The following ERBIN variants were observed in gnomAD, a reference collection of about 807,000 sequenced individuals.
ERBIN encodes erbb2 interacting protein, also known as densin-180-like protein.
In ERBIN, 60 loss-of-function variants were observed where a neutral mutation model predicts 158.4. The ratio of observed to expected loss-of-function variants is 0.38; its 90% CI spans 0.31 to 0.47. The LOEUF is 0.47. ERBIN is among the 20% of genes least tolerant of loss of function. The pLI is 0.99. For synonymous variants in ERBIN, 594 were observed against 557.2 expected, an observed-to-expected ratio of 1.07 and a Z score of -0.93; for missense variants, 1,610 against 1,648.0, an observed-to-expected ratio of 0.98 and a Z score of 0.40.
chr5:66,044,759 T>C lies in ERBIN; in HGVS notation c.1602+449T>C, dbSNP rs184068761. The stretch of plus-strand genomic sequence containing the variant: ...CAGCCTGGGTGACAGAGTGACACTC[T>C]GTCTCAAAAACAAAAAATAAGAGTA... On this transcript the variant is annotated intron_variant, in intron 17 of 25. Coordinates refer to ENST00000284037, the MANE Select transcript of ERBIN (RefSeq NM_001253697.2). Among the ~76,000 whole-genome samples, 716 of 150,882 alleles carry C rather than the reference T, an allele frequency of 4.7e-3. 1 individual carries two copies. The highest frequency in any genetic ancestry group is 7.4e-3 in the Non-Finnish European group (499 of 67,778).
At chr5:66,033,941 T>C (rs1294681496) in intron 14 of ERBIN, among the ~76,000 whole-genome samples, 1 of 152,016 alleles carries the variant, frequency 6.6e-6, no homozygotes, top group East Asian at 1.9e-4. Flanking sequence ...AAATCCCGTC[T>C]CTACTGAAAA....
At chr5:66,024,256 C>A in intron 9 of ERBIN, 50 bp from the exon 10 acceptor site, 2 of 1,253,078 alleles carry the variant, frequency 1.6e-6, no homozygotes, top group Admixed American at 2.5e-5. Flanking sequence ...AAACTTTTTA[C>A]AAATTACTAA....
At chr5:66,029,229 A>G (rs1756593464) in intron 14 of ERBIN, among the ~76,000 whole-genome samples, 1 of 152,194 alleles carries the variant, frequency 6.6e-6, no homozygotes, top group East Asian at 1.9e-4. Flanking sequence ...GAACCTCCAT[A>G]ATATATTCCC....
At chr5:66,051,898 A>AG (rs1759061629) in intron 20 of ERBIN, among the ~76,000 whole-genome samples, 1 of 150,948 alleles carries the variant, frequency 6.6e-6, no homozygotes. Flanking sequence ...TTGTCTCAAA[A>AG]AAAAAAAAAA....
At chr5:65,943,572 C>T (rs566985121) in intron 1 of ERBIN, among the ~76,000 whole-genome samples, 5 of 152,300 alleles carry the variant, frequency 3.3e-5, no homozygotes, top group Admixed American at 2.6e-4. Flanking sequence ...CTTAGTTGGC[C>T]TCTTTGTGTA....
chr5:65,993,405 T>G (rs1752090309), intron 3 of ERBIN, among the ~76,000 whole-genome samples: 2 of 152,240 alleles, frequency 1.3e-5, no homozygotes, highest in African/African-American at 4.8e-5. Context: ...ACTTAACATT[T>G]CTGAAGTCTA....
chr5:66,075,813 T>C (rs1416716093), intron 23 of ERBIN, among the ~76,000 whole-genome samples: 1 of 152,156 alleles, frequency 6.6e-6, no homozygotes, highest in African/African-American at 2.4e-5. Flanking sequence ...AAACTCTCAA[T>C]TGGTCATGTT....
At chr5:65,943,300 C>T (rs1312725854) in intron 1 of ERBIN, among the ~76,000 whole-genome samples, 1 of 152,154 alleles carries the variant, frequency 6.6e-6, no homozygotes, top group African/African-American at 2.4e-5. Flanking sequence ...CTTGCATTAC[C>T]TAAGATCAGA....
chr5:65,985,755 A>C (rs1751156973), intron 1 of ERBIN, among the ~76,000 whole-genome samples: 1 of 152,124 alleles, frequency 6.6e-6, no homozygotes, highest in Non-Finnish European at 1.5e-5. Flanking sequence ...TATATAGCAA[A>C]ACTACCTGAG....
chr5:66,046,331 C>A lies in ERBIN; in HGVS notation c.1603-22C>A, dbSNP rs376537652. On this transcript the variant is annotated intron_variant, in intron 17 of 25. Coordinates refer to ENST00000284037, the MANE Select transcript of ERBIN (RefSeq NM_001253697.2). ...ATATAAAACTTAAAGAATATGAGCT[C>A]TTTATCTTTTCTTTTACTTAGACCT... The A allele has an allele frequency of 4.3e-6, 6 of 1,388,358 alleles. No individual in the cohort carries two copies. The African/African-American group carries it at 7.2e-5, about 17-fold the overall frequency. 86.0% of individuals were successfully genotyped at this position (1,388,358 alleles called of 1,614,324 possible).
At chr5:66,007,900 G>T (rs1437437967) in intron 4 of ERBIN, among the ~76,000 whole-genome samples, 1 of 152,180 alleles carries the variant, frequency 6.6e-6, no homozygotes, top group Non-Finnish European at 1.5e-5. Context: ...TACAGATTTA[G>T]AACCTACAAA....
chr5:66,011,958 C>A, intron 4 of ERBIN, 91 bp from the exon 5 acceptor site: 2 of 728,814 alleles, frequency 2.7e-6, no homozygotes. Flanking sequence ...TGGTATATTA[C>A]TTTAGAATCT....
chr5:66,013,690 A>T lies in ERBIN; in HGVS notation c.476+52A>T, dbSNP rs575361365. 142 of 1,199,870 alleles carry T rather than the reference A, an allele frequency of 1.2e-4. 1 individual carries two copies. In the Middle Eastern group the frequency reaches 2.0e-3, roughly 17 times the overall value. The allele number at this position is 1,199,870 out of a possible 1,614,324, so 74.3% of individuals were successfully genotyped here. A position where few individuals can be genotyped will look rare whatever the true frequency, so the allele number is the denominator to read the frequency against. On this transcript the variant is annotated intron_variant, in intron 6 of 25. Coordinates refer to ENST00000284037, the MANE Select transcript of ERBIN (RefSeq NM_001253697.2). ...TTTATTATTAGCTCTTATAAAGTTT[A>T]CAAAACTATAAGCTGCTTTGGTAGT...
At chr5:66,014,088 T>C (rs1047359639) in intron 6 of ERBIN, among the ~76,000 whole-genome samples, 1 of 152,166 alleles carries the variant, frequency 6.6e-6, no homozygotes, top group East Asian at 1.9e-4. Flanking sequence ...ATAATAGATA[T>C]GCAGTTATTA....
intron 1 of ERBIN, among the ~76,000 whole-genome samples, chr5:65,957,682 G>C (rs893962930): frequency 5.9e-5 from 9 of 152,068 alleles, no homozygotes; most frequent in South Asian, 2.1e-4. Flanking sequence ...TTTTCTATTC[G>C]ACAAAACCGC....
At chr5:65,981,065 A>G (rs958940342) in intron 1 of ERBIN, among the ~76,000 whole-genome samples, 1 of 152,234 alleles carries the variant, frequency 6.6e-6, no homozygotes, top group East Asian at 1.9e-4. Context: ...ACATATTTCA[A>G]AGGCTTGAAA....
intron 21 of ERBIN, among the ~76,000 whole-genome samples, chr5:66,069,783 C>T (rs1331390912): frequency 6.6e-6 from 1 of 152,128 alleles, no homozygotes; most frequent in African/African-American, 2.4e-5. Flanking sequence ...TATCCCCTCC[C>T]CATAGTTTCC....
intron 1 of ERBIN, among the ~76,000 whole-genome samples, chr5:65,951,825 AATG>A (rs1321062722): frequency 6.6e-6 from 1 of 152,216 alleles, no homozygotes; most frequent in African/African-American, 2.4e-5. Flanking sequence ...TCATATAACA[AATG>A]ATGTTTTGCT....
intron 1 of ERBIN, among the ~76,000 whole-genome samples, chr5:65,965,382 GTTTTTTTTTTTTTTTTTTTTTTTTTT>G (rs200847060): frequency 1.5e-4 from 14 of 96,058 alleles, no homozygotes; most frequent in Admixed American, 4.9e-4. Flanking sequence ...GTTTTTTGTT[GTTTTTTTTTTTTTTTTTTTTTTTTTT>G]TTTTTTTTTT....
Sources: gnomAD v4.1 joint callset for allele counts (sites outside exome capture counted in the v4.1 genomes callset) on GRCh38, gnomAD v4.1.1 for gene constraint, MANE v1.5 for transcripts, NCBI Gene and HGNC (gene_info 2026-07-23, HGNC 2026-07-21) for gene names.